The following CAST variants were observed in gnomAD, a reference collection of about 807,000 sequenced individuals.
CAST encodes the protein calpastatin, also known as MIR583 host.
In CAST, 76 loss-of-function variants were observed where a neutral mutation model predicts 119.6. The observed-to-expected ratio is 0.64, with a 90% CI of 0.53 to 0.77. The LOEUF (loss-of-function observed/expected upper bound fraction) is 0.77. CAST is among the 30% of genes least tolerant of loss of function. The pLI is 0.00. For synonymous variants in CAST, 319 were observed against 331.6 expected (o/e 0.96, Z 0.41); for missense variants, 953 against 946.5 (o/e 1.01, Z -0.09).
At chr5:96,262,024 G>T in the CAST span, among the ~76,000 whole-genome samples, 6 of 152,170 alleles carry the variant, frequency 3.9e-5, no homozygotes, top group Non-Finnish European at 8.8e-5. Context: ...AGGTCTTATA[G>T]CTAATAAATG....
At chr5:96,594,608 C>A (rs1474988339) in intron 1 of CAST, among the ~76,000 whole-genome samples, 1 of 152,070 alleles carries the variant, frequency 6.6e-6, no homozygotes, top group Non-Finnish European at 1.5e-5. Flanking sequence ...AATACCATGC[C>A]AAGTCAAGAT....
chr5:96,689,579 T>C (rs1344258074), intron 2 of CAST, among the ~76,000 whole-genome samples: 1 of 152,212 alleles, frequency 6.6e-6, no homozygotes, highest in African/African-American at 2.4e-5. Flanking sequence ...CAAATACATG[T>C]GTGCACACAT....
intron 1 of CAST, among the ~76,000 whole-genome samples, chr5:96,558,287 T>C (rs1199787575): frequency 6.6e-6 from 1 of 151,642 alleles, no homozygotes; most frequent in Non-Finnish European, 1.5e-5. Flanking sequence ...AACATCACAA[T>C]TAAAAGAACT....
intron 1 of CAST, among the ~76,000 whole-genome samples, chr5:96,553,968 G>A (rs976545157): frequency 6.6e-6 from 1 of 152,176 alleles, no homozygotes; most frequent in African/African-American, 2.4e-5. Context: ...TTGTAAAAAT[G>A]GCCTTACTGC....
At chr5:96,532,320 G>A (rs1745704213) in intron 1 of CAST, among the ~76,000 whole-genome samples, 2 of 152,168 alleles carry the variant, frequency 1.3e-5, no homozygotes, top group African/African-American at 4.8e-5. Context: ...TGCACAAGAT[G>A]TTGCACATCT....
chr5:96,057,255 A>G, the CAST span, among the ~76,000 whole-genome samples: 1 of 152,226 alleles, frequency 6.6e-6, no homozygotes, highest in East Asian at 1.9e-4. Flanking sequence ...AAAATATGTT[A>G]GGAGGCAGCT....
chr5:96,280,042 A>T, the CAST span, among the ~76,000 whole-genome samples: 1 of 152,158 alleles, frequency 6.6e-6, no homozygotes, highest in Admixed American at 6.5e-5. Context: ...TTCAGAAACC[A>T]TTTCCGTTTG....
chr5:96,726,050 C>T (rs1387440256), intron 4 of CAST, among the ~76,000 whole-genome samples: 1 of 151,950 alleles, frequency 6.6e-6, no homozygotes, highest in Non-Finnish European at 1.5e-5. Flanking sequence ...TTAGCCTCTT[C>T]AAATAAAAAT....
chr5:96,104,568 G>A, the CAST span, among the ~76,000 whole-genome samples: 1 of 152,082 alleles, frequency 6.6e-6, no homozygotes, highest in Non-Finnish European at 1.5e-5. Context: ...TATTTCTGAG[G>A]GCTCTGTTCT....
the CAST span, chr5:96,429,211 A>T: frequency 7.0e-7 from 1 of 1,431,542 alleles, no homozygotes; most frequent in Non-Finnish European, 9.9e-7. Context: ...TACAACACTT[A>T]CACGATCATC....
the CAST span, among the ~76,000 whole-genome samples, chr5:96,417,125 C>T: frequency 6.6e-6 from 1 of 152,180 alleles, no homozygotes; most frequent in Admixed American, 6.5e-5. Flanking sequence ...AGTTACATTT[C>T]AATTCTACTA....
chr5:96,545,433 G>A (rs1332724381), intron 1 of CAST: 1 of 152,212 alleles, frequency 6.6e-6, no homozygotes, highest in Non-Finnish European at 1.5e-5. Context: ...TGAGTTTACA[G>A]ATAGTAGGGC....
chr5:96,489,655 A>G, the CAST span, among the ~76,000 whole-genome samples: 1 of 152,120 alleles, frequency 6.6e-6, no homozygotes, highest in Non-Finnish European at 1.5e-5. Context: ...CTTTCCCAGC[A>G]TGACCCCCTC....
Position 96,654,189 on chromosome 5 carries a change from A to G in CAST, c.61-21350A>G, listed in dbSNP as rs552438234. ...CAGGTGTGCACCACCATGCCTGGCTAAATTTTTTTGTATTTTTAGTAGAGA... is the reference window on the plus strand; with the variant it reads ...CAGGTGTGCACCACCATGCCTGGCTGAATTTTTTTGTATTTTTAGTAGAGA... On this transcript the variant is annotated intron_variant, in intron 1 of 11. Coordinates refer to the CAST transcript ENST00000505143. Among the ~76,000 whole-genome samples, 5 of 151,716 alleles carry G rather than the reference A, an allele frequency of 3.3e-5. No individual in the cohort carries two copies. The South Asian group carries it at 8.3e-4, about 25-fold the overall frequency.
At chr5:96,082,609 G>A in the CAST span, among the ~76,000 whole-genome samples, 2 of 152,164 alleles carry the variant, frequency 1.3e-5, no homozygotes, top group Non-Finnish European at 1.5e-5. Flanking sequence ...CTTCCAAAAT[G>A]AAAAGCAGAG....
At chr5:96,236,715 A>G in the CAST span, among the ~76,000 whole-genome samples, 2 of 152,182 alleles carry the variant, frequency 1.3e-5, no homozygotes, top group African/African-American at 4.8e-5. Context: ...AGACATACTT[A>G]TACTAAAAAT....
At chr5:96,331,194 G>T in the CAST span, among the ~76,000 whole-genome samples, 1 of 152,200 alleles carries the variant, frequency 6.6e-6, no homozygotes, top group Admixed American at 6.5e-5. Context: ...TTTTACACAT[G>T]AGAAAACTGA....
rs929069401 is a variant in CAST, at chr5:96,642,505, G to A, written c.61-33034G>A. Among the ~76,000 whole-genome samples, 7 of 151,292 alleles carry A rather than the reference G, an allele frequency of 4.6e-5. No homozygotes were observed. In the East Asian group the frequency reaches 9.7e-4, roughly 21 times the overall value. On this transcript the variant is annotated intron_variant, in intron 1 of 11. Coordinates refer to the CAST transcript ENST00000505143. Reference sequence around the variant, plus strand: ...GCACTATTTGCATTGAATGGCTCTCGTGGTTGATAATGATAGTAAATAAAG... The same window carrying A: ...GCACTATTTGCATTGAATGGCTCTCATGGTTGATAATGATAGTAAATAAAG...
At chr5:96,619,503 A>C (rs990519658) in intron 1 of CAST, among the ~76,000 whole-genome samples, 2 of 152,256 alleles carry the variant, frequency 1.3e-5, no homozygotes, top group Non-Finnish European at 2.9e-5. Context: ...CCGAACTAGC[A>C]GCAGCAACCT....
Sources: allele counts gnomAD v4.1 joint callset (sites outside exome capture counted in the v4.1 genomes callset), GRCh38; gene constraint gnomAD v4.1.1; transcripts MANE v1.5; gene names NCBI Gene and HGNC (gene_info 2026-07-23, HGNC 2026-07-21).